The following COMMD1 variants were observed in gnomAD, a reference collection of about 807,000 sequenced individuals.
COMMD1 encodes copper metabolism domain containing 1.
COMMD1 carries 10 observed loss-of-function variants against 17.2 expected under a neutral mutation model. The ratio of observed to expected loss-of-function variants is 0.58; its 90% CI spans 0.36 to 0.99. The LOEUF (loss-of-function observed/expected upper bound fraction) is 0.99. Among genes scored for constraint, COMMD1 ranks in the 50% least tolerant of loss-of-function variants. The pLI, the probability that COMMD1 is intolerant of heterozygous loss-of-function variation, is 0.01. For missense variants in COMMD1, 270 were observed against 231.8 expected, an observed-to-expected ratio of 1.17 and a Z score of -1.07; for synonymous variants, 97 against 91.6, an observed-to-expected ratio of 1.06 and a Z score of -0.34.
At chr2:61,987,953 C>A (rs1558550164) in intron 1 of COMMD1, among the ~76,000 whole-genome samples, 1 of 152,196 alleles carries the variant, frequency 6.6e-6, no homozygotes, top group Admixed American at 6.5e-5. Flanking sequence ...GTATCTGCCA[C>A]CATCAAAGGC....
intron 2 of COMMD1, among the ~76,000 whole-genome samples, chr2:62,023,092 G>A (rs146418995): frequency 8.3e-4 from 127 of 152,290 alleles, no homozygotes; most frequent in African/African-American, 2.7e-3. Flanking sequence ...TGGGCATGGT[G>A]GCACATGCCT....
intron 2 of COMMD1, among the ~76,000 whole-genome samples, chr2:62,019,071 T>C (rs1460516836): frequency 2.6e-5 from 3 of 115,548 alleles, no homozygotes; most frequent in African/African-American, 3.6e-5. Context: ...TCTCTCTCTC[T>C]TTCTCTCTCT....
At chr2:62,074,761 G>T (rs1033682189) in intron 2 of COMMD1, among the ~76,000 whole-genome samples, 1 of 152,054 alleles carries the variant, frequency 6.6e-6, no homozygotes, top group African/African-American at 2.4e-5. Context: ...TCTAGCAGGG[G>T]AACTATTAAT....
In COMMD1 at chr2:62,003,238, A is replaced by AC. The variant is rs986668074; in HGVS notation, c.462+2256_462+2257insC. 6.0e-5 allele frequency among the ~76,000 whole-genome samples: 9 copies of AC among 151,038 alleles called. No homozygotes were observed. The East Asian group carries it at 1.2e-3, about 20-fold the overall frequency. On this transcript the variant is annotated intron_variant, in intron 2 of 2. Coordinates refer to ENST00000311832, the MANE Select transcript of COMMD1 (RefSeq NM_152516.4). ...ACAGTGAGGCGCTGTCTCAAAAAAA[A>AC]AAAACAAAACAAAACAAAACAGGCC... is the stretch of plus-strand genomic sequence containing the variant.
chr2:62,037,526 A>C (rs1430911717), intron 2 of COMMD1, among the ~76,000 whole-genome samples: 1 of 152,192 alleles, frequency 6.6e-6, no homozygotes, highest in Non-Finnish European at 1.5e-5. Flanking sequence ...GAGAGGTATC[A>C]TTTTACTGGT....
exon 1 of COMMD1, chr2:61,888,837 C>T: frequency 2.8e-6 from 1 of 356,952 alleles, no homozygotes; most frequent in South Asian, 3.7e-5. Flanking sequence ...ATTTTAAAGG[C>T]GAGTGGTGAG....
At chr2:61,968,649 T>G (rs1219619015) in intron 1 of COMMD1, among the ~76,000 whole-genome samples, 2 of 152,118 alleles carry the variant, frequency 1.3e-5, no homozygotes, top group Non-Finnish European at 2.9e-5. Flanking sequence ...CTTGGCCTTC[T>G]GGGCTCAAGT....
intron 2 of COMMD1, among the ~76,000 whole-genome samples, chr2:62,048,887 A>G (rs115960649): frequency 9.1e-4 from 139 of 152,320 alleles, no homozygotes; most frequent in African/African-American, 3.3e-3. Flanking sequence ...CAGCACCTCT[A>G]CTTTTCATAA....
intron 1 of COMMD1, among the ~76,000 whole-genome samples, chr2:61,933,675 C>T (rs1454678459): frequency 6.6e-6 from 1 of 152,130 alleles, no homozygotes; most frequent in Non-Finnish European, 1.5e-5. Flanking sequence ...GACTTTGCAG[C>T]TTCCAAAACT....
intron 1 of COMMD1, among the ~76,000 whole-genome samples, chr2:61,998,535 C>T (rs1050549371): frequency 2.0e-5 from 3 of 152,190 alleles, no homozygotes; most frequent in Non-Finnish European, 4.4e-5. Flanking sequence ...GCTGGGATTA[C>T]AGGCGTGAAC....
intron 2 of COMMD1, among the ~76,000 whole-genome samples, chr2:62,009,462 AG>A (rs1669219121): frequency 6.6e-6 from 1 of 152,084 alleles, no homozygotes; most frequent in South Asian, 2.1e-4. Flanking sequence ...AAAGTTTGCC[AG>A]GCATAGTGGC....
intron 1 of COMMD1, among the ~76,000 whole-genome samples, chr2:61,966,008 T>C (rs956955794): frequency 1.3e-5 from 2 of 152,244 alleles, no homozygotes; most frequent in Non-Finnish European, 2.9e-5. Flanking sequence ...GATTCAAATT[T>C]ATGTCTGAGC....
intron 2 of COMMD1, among the ~76,000 whole-genome samples, chr2:62,017,004 A>G (rs1669468305): frequency 6.6e-6 from 1 of 152,226 alleles, no homozygotes; most frequent in Non-Finnish European, 1.5e-5. Flanking sequence ...TAAATTTATC[A>G]TGTTTCTGAA....
chr2:62,028,997 A>C (rs538108322), intron 2 of COMMD1, among the ~76,000 whole-genome samples: 1 of 152,188 alleles, frequency 6.6e-6, no homozygotes, highest in South Asian at 2.1e-4. Context: ...AGGTAGGAAG[A>C]TATGGTTGAC....
chr2:62,055,887 C>T (rs1215675700), intron 2 of COMMD1, among the ~76,000 whole-genome samples: 1 of 152,198 alleles, frequency 6.6e-6, no homozygotes, highest in African/African-American at 2.4e-5. Context: ...GCACGCAGTC[C>T]AGGTTGATGA....
At chr2:61,942,628 C>G (rs57940054) in intron 1 of COMMD1, among the ~76,000 whole-genome samples, 93,538 of 149,334 alleles carry the variant, frequency 0.63, 30,449 homozygotes, top group Middle Eastern at 0.74. Flanking sequence ...CAGCCTCCAT[C>G]TCCCAGGTTC....
intron 1 of COMMD1, among the ~76,000 whole-genome samples, chr2:61,963,549 G>T (rs984567080): frequency 6.6e-6 from 1 of 152,064 alleles, no homozygotes; most frequent in Non-Finnish European, 1.5e-5. Flanking sequence ...TCACCATGTT[G>T]GTCAGGCTGG....
At chr2:62,116,134 A>G (rs1672596612) in intron 2 of COMMD1, among the ~76,000 whole-genome samples, 1 of 152,136 alleles carries the variant, frequency 6.6e-6, no homozygotes, top group East Asian at 1.9e-4. Flanking sequence ...GGCGTGAGCC[A>G]CTGCACCCGG....
At chr2:61,889,058 A>G (rs1669346105) in intron 1 of COMMD1, among the ~76,000 whole-genome samples, 1 of 150,970 alleles carries the variant, frequency 6.6e-6, no homozygotes, top group African/African-American at 2.4e-5. Flanking sequence ...GTCCGCCACC[A>G]TGCCCAGCTA....
Sources: allele counts gnomAD v4.1 joint callset (sites outside exome capture counted in the v4.1 genomes callset), GRCh38; gene constraint gnomAD v4.1.1; transcripts MANE v1.5; gene names NCBI Gene and HGNC (gene_info 2026-07-23, HGNC 2026-07-21).